ZSWIM5: variants seen among roughly 807,000 people sequenced by gnomAD.
The protein encoded by ZSWIM5 is zinc finger SWIM domain-containing protein 5.
ZSWIM5 carries 55 observed loss-of-function variants against 119.6 expected under a neutral mutation model. That is an observed-to-expected ratio of 0.46 (90% confidence interval 0.37 to 0.58). The LOEUF (loss-of-function observed/expected upper bound fraction) is 0.58. ZSWIM5 is among the 20% of genes least tolerant of loss of function. The pLI is 0.00. For synonymous variants in ZSWIM5, 537 were observed against 606.9 expected (o/e 0.88, Z 1.69); for missense variants, 1,193 against 1,512.8 (o/e 0.79, Z 3.51).
chr1:45,040,607 A>G, intron 6 of ZSWIM5, 69 bp from the exon 7 acceptor site: 2 of 1,433,898 alleles, frequency 1.4e-6, no homozygotes, highest in Non-Finnish European at 1.9e-6. Context: ...TACCTGACAA[A>G]GAGAGTTTGT....
chr1:45,126,176 G>A (rs1645620591), intron 1 of ZSWIM5, among the ~76,000 whole-genome samples: 1 of 148,060 alleles, frequency 6.8e-6, no homozygotes, highest in South Asian at 2.2e-4. Context: ...CAAGCAGAAA[G>A]GAGGAAGTAA....
intron 1 of ZSWIM5, among the ~76,000 whole-genome samples, chr1:45,172,533 G>A (rs542879331): frequency 2.6e-5 from 4 of 152,128 alleles, no homozygotes; most frequent in African/African-American, 7.2e-5. Flanking sequence ...ATAATGAATG[G>A]CTGTTGTAAT....
Position 45,179,978 on chromosome 1 carries a change from C to G in ZSWIM5, c.595+25778G>C, listed in dbSNP as rs185126396. Among the ~76,000 whole-genome samples the G allele has an allele frequency of 6.8e-3, 1,039 of 152,272 alleles. 23 individuals are homozygous for G. Among genetic ancestry groups the G allele is most frequent in the African/African-American group, 0.024 (1,007 of 41,570 alleles). On this transcript the variant is annotated intron_variant, in intron 1 of 13. Coordinates refer to ENST00000359600, the MANE Select transcript of ZSWIM5 (RefSeq NM_020883.2). ...CCAAGATGGCCGAATAGGAACAGCT[C>G]TGGTCTACAGCTCCCAGTGTGAGCG...
intron 11 of ZSWIM5, among the ~76,000 whole-genome samples, chr1:45,021,082 C>T (rs912816431): frequency 1.3e-5 from 2 of 151,850 alleles, no homozygotes; most frequent in African/African-American, 2.4e-5. Flanking sequence ...GTTGCCCAGG[C>T]AGGAGTGCAG....
chr1:45,150,409 C>G (rs1470393632), intron 1 of ZSWIM5, among the ~76,000 whole-genome samples: 1 of 152,058 alleles, frequency 6.6e-6, no homozygotes, highest in Admixed American at 6.6e-5. Context: ...TAAAATGGTG[C>G]AGGTGCTGTG....
At chr1:45,100,977 G>A (rs1226277630) in intron 1 of ZSWIM5, among the ~76,000 whole-genome samples, 1 of 152,078 alleles carries the variant, frequency 6.6e-6, no homozygotes, top group Non-Finnish European at 1.5e-5. Context: ...TACCATTCAG[G>A]ACATAGGCAT....
In ZSWIM5 at chr1:45,126,747, G is replaced by GA. The variant is rs147893050; in HGVS notation, c.596-38511dup. Among the ~76,000 whole-genome samples the GA allele has an allele frequency of 3.2e-3, 465 of 147,208 alleles. 2 individuals carry two copies. The highest frequency in any genetic ancestry group is 0.01 in the African/African-American group (420 of 40,116). ...GTGAGACTCTGTTCTCCACAAAAAGGAAAAAAAAAATGAATTTATATCAAT... is the reference window on the plus strand; with the variant it reads ...GTGAGACTCTGTTCTCCACAAAAAGGAAAAAAAAAAATGAATTTATATCAAT... On this transcript the variant is annotated intron_variant, in intron 1 of 13. Coordinates refer to ENST00000359600, the MANE Select transcript of ZSWIM5 (RefSeq NM_020883.2).
intron 1 of ZSWIM5, among the ~76,000 whole-genome samples, chr1:45,186,925 G>A (rs1646062515): frequency 6.6e-6 from 1 of 152,000 alleles, no homozygotes. Flanking sequence ...AAAACCCCCA[G>A]ACCTGTAAAA....
At chr1:45,078,355 T>C (rs1645267645) in intron 2 of ZSWIM5, among the ~76,000 whole-genome samples, 1 of 152,224 alleles carries the variant, frequency 6.6e-6, no homozygotes, top group Non-Finnish European at 1.5e-5. Context: ...GACTTGGGTA[T>C]TGTGATCTAA....
intron 1 of ZSWIM5, among the ~76,000 whole-genome samples, chr1:45,143,885 AAAC>A (rs981347396): frequency 2.8e-4 from 42 of 152,222 alleles, no homozygotes; most frequent in African/African-American, 9.9e-4. Context: ...TTAAAAAAAA[AAAC>A]AATTATAATA....
chr1:45,133,953 C>G (rs906055347), intron 1 of ZSWIM5, among the ~76,000 whole-genome samples: 2 of 152,116 alleles, frequency 1.3e-5, no homozygotes, highest in Non-Finnish European at 2.9e-5. Flanking sequence ...GGGCTCTGTT[C>G]TGTTCCATGG....
chr1:45,136,288 A>G (rs1192850459), intron 1 of ZSWIM5, among the ~76,000 whole-genome samples: 1 of 152,224 alleles, frequency 6.6e-6, no homozygotes, highest in Non-Finnish European at 1.5e-5. Flanking sequence ...TCCATAATTT[A>G]TTTCATATAT....
In ZSWIM5 at chr1:45,018,642, G is replaced by A; in HGVS notation, c.3370C>T (p.His1124Tyr). ...GGGCTGATGTGTGTTAGGCGTGAGT[G>A]TGTAGTGTTGATATAGGCATTGATG... ...ATINAYINTT[H>Y]SRLTHISPRH... Residue 1124 changes from histidine to tyrosine, a missense_variant, in exon 14 of 14, where the codon CAC (histidine) becomes TAC (tyrosine). Around this residue, in one of 2 missense-constraint regions of ZSWIM5, gnomAD observed 961 missense variants for 1,290.0 expected, o/e 0.74. Transcript: ENST00000359600. This position sits in a 1 kb window ranked among gnomAD's most constrained non-coding sequence, Gnocchi z 6.7. 1.2e-6 allele frequency: 2 copies of A among 1,614,248 alleles called. No homozygotes were observed. Among genetic ancestry groups the A allele is most frequent in the Non-Finnish European group, 1.7e-6 (2 of 1,180,058 alleles).
Position 45,018,913 on chromosome 1 carries a change from C to T in ZSWIM5, c.3099G>A (p.Gln1033=), listed in dbSNP as rs1644870962. 1.2e-6 allele frequency: 2 copies of T among 1,614,118 alleles called. No homozygotes were observed. Among genetic ancestry groups the T allele is most frequent in the African/African-American group, 1.3e-5 (1 of 74,930 alleles). Residue 1033 remains glutamine, a synonymous_variant, in exon 14 of 14, where the codon CAG becomes CAA. Coordinates refer to ENST00000359600, the MANE Select transcript of ZSWIM5 (RefSeq NM_020883.2). This position sits in a 1 kb window ranked among gnomAD's most constrained non-coding sequence, Gnocchi z 6.7. The part of the protein sequence containing the change: ...AMSHLNLAYN[Q]DTHPAINDVL... ...CATCATTGATGGCTGGGTGAGTATCCTGGTTGTAGGCCAGGTTAAGATGGC... is the reference window on the plus strand; with the variant it reads ...CATCATTGATGGCTGGGTGAGTATCTTGGTTGTAGGCCAGGTTAAGATGGC...
At chr1:45,175,022 C>T (rs1194904234) in intron 1 of ZSWIM5, among the ~76,000 whole-genome samples, 1 of 152,062 alleles carries the variant, frequency 6.6e-6, no homozygotes. Context: ...CCAAAAATGT[C>T]CCCATAAGGA....
At chr1:45,109,955 C>T (rs750980017) in intron 1 of ZSWIM5, among the ~76,000 whole-genome samples, 1 of 152,084 alleles carries the variant, frequency 6.6e-6, no homozygotes, top group Non-Finnish European at 1.5e-5. Context: ...CTCTCAATCT[C>T]CCAAGCTCAA....
chr1:45,190,995 G>A (rs201978174), intron 1 of ZSWIM5, among the ~76,000 whole-genome samples: 8 of 130,368 alleles, frequency 6.1e-5, no homozygotes, highest in African/African-American at 2.4e-4. Context: ...CGCCCAGGCC[G>A]GAGTGCAGTG....
intron 1 of ZSWIM5, among the ~76,000 whole-genome samples, chr1:45,164,682 A>C (rs969766406): frequency 2.2e-4 from 34 of 152,148 alleles, no homozygotes; most frequent in Non-Finnish European, 4.4e-5. Context: ...CTCTGATAAA[A>C]CAGACTTTAA....
At chr1:45,087,328 A>G (rs547811841) in intron 2 of ZSWIM5, among the ~76,000 whole-genome samples, 17 of 152,208 alleles carry the variant, frequency 1.1e-4, no homozygotes, top group Non-Finnish European at 2.5e-4. Flanking sequence ...TTAGACCCTC[A>G]ACAATCAGCA....
Sources: gnomAD v4.1 joint callset for allele counts (sites outside exome capture counted in the v4.1 genomes callset) on GRCh38, gnomAD v4.1.1 for gene constraint, gnomAD v4.1.1 regional missense constraint, Gnocchi (gnomAD v3.1) non-coding constraint, MANE v1.5 for transcripts, NCBI Gene and HGNC (gene_info 2026-07-23, HGNC 2026-07-21) for gene names.